Variants in RNF144A observed in about 807,000 individuals in gnomAD.
RNF144A encodes E3 ubiquitin-protein ligase RNF144A.
In RNF144A, 11 loss-of-function variants were observed where a neutral mutation model predicts 38.7. The observed-to-expected ratio is 0.28, with a 90% CI of 0.18 to 0.47. The LOEUF (loss-of-function observed/expected upper bound fraction) is 0.47. Ranked by LOEUF, RNF144A falls within the 20% of genes least tolerant of loss-of-function variation. The probability of loss-of-function intolerance (pLI) is 0.99; values close to 1 mark genes in which losing one functional copy is unlikely to be tolerated. For synonymous variants in RNF144A, 149 were observed against 143.9 expected, an observed-to-expected ratio of 1.04 and a Z score of -0.25; for missense variants, 316 against 377.2, an observed-to-expected ratio of 0.84 and a Z score of 1.34.
At chr2:6,969,571 C>CAGGAAACTTTAATAAAAGTACAGGCTG (rs1319700988) in intron 2 of RNF144A, among the ~76,000 whole-genome samples, 1 of 152,152 alleles carries the variant, frequency 6.6e-6, no homozygotes, top group Non-Finnish European at 1.5e-5. Context: ...ACTGCAGCCC[C>CAGGAAACTTTAATAAAAGTACAGGCTG]AGGAAACTTT....
intron 3 of RNF144A, among the ~76,000 whole-genome samples, chr2:7,002,665 A>G (rs1670187397): frequency 1.3e-5 from 2 of 152,170 alleles, no homozygotes; most frequent in Non-Finnish European, 2.9e-5. Context: ...CCATATATAT[A>G]ATGGTGATCC....
chr2:6,990,674 A>G (rs1308751110), intron 2 of RNF144A, among the ~76,000 whole-genome samples: 2 of 151,678 alleles, frequency 1.3e-5, no homozygotes, highest in East Asian at 3.9e-4. Context: ...TCTGCATACA[A>G]ATTTGCCAGG....
intron 6 of RNF144A, among the ~76,000 whole-genome samples, chr2:7,051,760 G>T (rs1167364001): frequency 2.6e-5 from 4 of 152,084 alleles, no homozygotes; most frequent in African/African-American, 7.2e-5. Context: ...ATGGCGGTGG[G>T]TGCCTGTAAT....
chr2:7,025,647 C>T (rs1050126905), intron 7 of RNF144A, among the ~76,000 whole-genome samples: 3 of 151,802 alleles, frequency 2.0e-5, no homozygotes, highest in Non-Finnish European at 2.9e-5. Context: ...ACTCCAGCCT[C>T]GGCAACAGAG....
At chr2:7,049,226 G>A (rs1162773349) in intron 6 of RNF144A, among the ~76,000 whole-genome samples, 1 of 152,218 alleles carries the variant, frequency 6.6e-6, no homozygotes, top group Non-Finnish European at 1.5e-5. Context: ...TAAGGGATGA[G>A]AAACAGAGAT....
At chr2:6,954,603 G>A (rs1409733165) in intron 2 of RNF144A, among the ~76,000 whole-genome samples, 2 of 152,180 alleles carry the variant, frequency 1.3e-5, no homozygotes, top group African/African-American at 2.4e-5. Flanking sequence ...GTGGCCCCTT[G>A]GCTCAAAACC....
chr2:6,997,772 G>A (rs759736100), intron 3 of RNF144A, among the ~76,000 whole-genome samples: 6 of 152,198 alleles, frequency 3.9e-5, no homozygotes, highest in African/African-American at 9.7e-5. Context: ...GAAGTAGGAC[G>A]GTAGTTTCCC....
At chr2:7,012,810 G>A (rs1670903763) in intron 3 of RNF144A, among the ~76,000 whole-genome samples, 2 of 152,090 alleles carry the variant, frequency 1.3e-5, no homozygotes, top group Admixed American at 6.6e-5. Context: ...TCCAAGCCTG[G>A]GGTCGTCCAT....
intron 1 of RNF144A, among the ~76,000 whole-genome samples, chr2:6,939,562 A>G (rs1665830274): frequency 6.6e-6 from 1 of 152,174 alleles, no homozygotes; most frequent in South Asian, 2.1e-4. Flanking sequence ...TTGACATGCA[A>G]ACATTTTTAA....
rs1053788636 is a variant in RNF144A at position 7,043,965 on chromosome 2, A to G, written c.*4205A>G. 1.0e-6 allele frequency: 1 copy of G among 985,896 alleles called. No homozygotes were observed. The allele number at this position is 985,896 out of a possible 1,614,324, so 61.1% of individuals were successfully genotyped here. On this transcript the variant is annotated 3_prime_UTR_variant, in exon 9 of 9. Coordinates refer to ENST00000320892, the MANE Select transcript of RNF144A (RefSeq NM_014746.6). Reference sequence around the variant, plus strand: ...ATTTGATTTGTGTTTTTGAAATGTCAGTACATTTTGTGCCACTAACACTGT... The same window carrying G: ...ATTTGATTTGTGTTTTTGAAATGTCGGTACATTTTGTGCCACTAACACTGT...
chr2:6,967,331 G>A (rs569779332), intron 2 of RNF144A, among the ~76,000 whole-genome samples: 46 of 152,318 alleles, frequency 3.0e-4, no homozygotes, highest in African/African-American at 1.0e-3. Flanking sequence ...GACGTAGTTC[G>A]TTTGTCGTCT....
chr2:6,981,263 C>T (rs1668617586), intron 2 of RNF144A, among the ~76,000 whole-genome samples: 1 of 152,120 alleles, frequency 6.6e-6, no homozygotes, highest in African/African-American at 2.4e-5. Flanking sequence ...GCTTGAATTT[C>T]TCCCCAGAAA....
At chr2:7,072,244 G>A (rs143220545), downstream of RNF144A, among the ~76,000 whole-genome samples, 1,545 of 152,374 alleles carry the variant, frequency 0.01, 12 homozygotes, top group Non-Finnish European at 0.017. Context: ...GGTGCTACTA[G>A]TGAGGGCACA....
intron 2 of RNF144A, among the ~76,000 whole-genome samples, chr2:6,964,454 GC>G (rs1165902663): frequency 6.6e-6 from 1 of 152,164 alleles, no homozygotes; most frequent in Non-Finnish European, 1.5e-5. Context: ...ATTTGACCCA[GC>G]CATCCCATTA....
intron 2 of RNF144A, among the ~76,000 whole-genome samples, chr2:6,989,059 G>C (rs571289848): frequency 6.6e-6 from 1 of 152,258 alleles, no homozygotes; most frequent in African/African-American, 2.4e-5. Flanking sequence ...CCTAGTTTCG[G>C]TAACTGGAAC....
Position 7,044,166 on chromosome 2 carries a change from G to A in RNF144A, c.*4406G>A. On this transcript the variant is annotated 3_prime_UTR_variant, in exon 9 of 9. Coordinates refer to ENST00000320892, the MANE Select transcript of RNF144A (RefSeq NM_014746.6). ...TAAAGCTATTTTGGCTGGAATACAG[G>A]TGACTTTTGTAAACCCCGCGTGGCT... The A allele has an allele frequency of 1.0e-6, 1 of 985,658 alleles. No homozygotes were observed. 61.1% of individuals were successfully genotyped at this position (985,658 alleles called of 1,614,324 possible).
At chr2:6,925,896 A>G (rs1043960884) in intron 1 of RNF144A, among the ~76,000 whole-genome samples, 1 of 152,190 alleles carries the variant, frequency 6.6e-6, no homozygotes, top group African/African-American at 2.4e-5. Context: ...ACACATACAC[A>G]TGCATCAATA....
chr2:7,020,460 C>G lies in RNF144A; in HGVS notation c.302-13C>G. On this transcript the variant is annotated splice_polypyrimidine_tract_variant and intron_variant, in intron 5 of 8. Transcript: ENST00000320892. ...CTTAAGTTTGATTTGTCCATTTTGTCTCACTGTACCAGAGGTGCTGTTTGA... is the reference window on the plus strand; with the variant it reads ...CTTAAGTTTGATTTGTCCATTTTGTGTCACTGTACCAGAGGTGCTGTTTGA... 2 of 1,608,962 alleles carry G rather than the reference C, an allele frequency of 1.2e-6. No individual in the cohort carries two copies. The highest frequency in any genetic ancestry group is 1.7e-6 in the Non-Finnish European group (2 of 1,175,986).
At chr2:7,074,424 A>G in the RNF144A span, 1 of 152,196 alleles carries the variant, frequency 6.6e-6, no homozygotes, top group African/African-American at 2.4e-5. Flanking sequence ...CAATCATGCA[A>G]ATTAAGTTAT....
Sources: allele counts gnomAD v4.1 joint callset (sites outside exome capture counted in the v4.1 genomes callset), GRCh38; gene constraint gnomAD v4.1.1; transcripts MANE v1.5; gene names NCBI Gene and HGNC (gene_info 2026-07-23, HGNC 2026-07-21).